DHX35: variants seen among roughly 807,000 people sequenced by gnomAD.
The protein encoded by DHX35 is DEAH-box helicase 35.
Under a neutral mutation model 99.6 loss-of-function variants are expected in DHX35, and 84 were observed. The ratio of observed to expected loss-of-function variants is 0.84; its 90% CI spans 0.71 to 1.01. The LOEUF (loss-of-function observed/expected upper bound fraction) is 1.01, where lower values mean the gene tolerates loss of function less well. Ranked by LOEUF, DHX35 falls within the 50% of genes least tolerant of loss-of-function variation. The pLI is 0.00. For synonymous variants in DHX35, 331 were observed against 316.2 expected (o/e 1.05, Z -0.50); for missense variants, 852 against 888.5 (o/e 0.96, Z 0.52).
At position 39,001,784 on chromosome 20, in the gene DHX35, T is replaced by G. The variant is rs139577021; in HGVS notation, c.697T>G (p.Cys233Gly). 2 of 1,613,920 alleles carry G rather than the reference T, an allele frequency of 1.2e-6. No individual in the cohort carries two copies. Residue 233 changes from cysteine (C) to glycine (G), a missense_variant, in exon 9 of 22, where the codon TGT becomes GGT. By Grantham distance (159) the Cys-to-Gly change is radical. Transcript: ENST00000252011. Reference protein sequence around the residue: ...NETSDPARDTCVILTVEGRTF... With the variant: ...NETSDPARDTGVILTVEGRTF... The stretch of plus-strand genomic sequence containing the variant: ...AACCAGTGATCCAGCAAGGGATACA[T>G]GTGTGATCCTTACAGTGGAAGGGAG...
intron 17 of DHX35, among the ~76,000 whole-genome samples, chr20:39,024,547 C>G (rs1190051665): frequency 2.0e-5 from 3 of 152,226 alleles, no homozygotes; most frequent in Admixed American, 6.5e-5. Flanking sequence ...TTCATTTGTA[C>G]AGGCACAATG....
At chr20:39,010,799 A>AT (rs995523411) in intron 13 of DHX35, among the ~76,000 whole-genome samples, 24 of 152,136 alleles carry the variant, frequency 1.6e-4, no homozygotes, top group African/African-American at 4.8e-4. Flanking sequence ...GAGTACCATG[A>AT]TTGGGGGATC....
chr20:39,030,442 G>A lies in DHX35; in HGVS notation c.1884-262G>A, dbSNP rs140280532. The A allele has an allele frequency of 3.1e-5, 15 of 486,020 alleles. No individual in the cohort carries two copies. In the East Asian group the frequency reaches 5.1e-4, roughly 17 times the overall value. The allele number at this position is 486,020 out of a possible 1,614,324, so 30.1% of individuals were successfully genotyped here. On this transcript the variant is annotated intron_variant, in intron 19 of 21. Transcript: ENST00000252011. ...GAAGATACACATAAACATAGGCAGA[G>A]CATTTTATTCCTAAATGTTTTTTCT...
At position 39,002,788 on chromosome 20, in the gene DHX35, A is replaced by G. The variant is rs764857247; in HGVS notation, c.772A>G (p.Ile258Val). The G allele has an allele frequency of 1.9e-6, 3 of 1,614,132 alleles. No individual in the cohort carries two copies. The highest frequency in any genetic ancestry group is 1.7e-6 in the Non-Finnish European group (2 of 1,180,002). The change falls in exon 10 of 22, where the codon ATC becomes GTC. Residue 258 changes from isoleucine to valine, a missense_variant. Physicochemically the swap from Ile to Val is conservative, Grantham distance 29. Coordinates refer to ENST00000252011, the MANE Select transcript of DHX35 (RefSeq NM_021931.4). ...TCTTTTCAGTCCTGTTCCAGATTAT[A>G]TCAAATCAACTGTCGAAACTGTGGT... The part of the protein sequence containing the change: ...FYLQSPVPDY[I>V]KSTVETVVKI...
intron 1 of DHX35, among the ~76,000 whole-genome samples, chr20:38,964,658 T>C (rs944728571): frequency 3.3e-5 from 5 of 152,186 alleles, no homozygotes. Flanking sequence ...CTCAATCTTT[T>C]GATCCCGTGA....
intron 4 of DHX35, among the ~76,000 whole-genome samples, chr20:38,987,607 A>T (rs1050081203): frequency 7.8e-4 from 119 of 152,224 alleles, no homozygotes; most frequent in African/African-American, 2.8e-3. Context: ...ATTCTTTTAA[A>T]TATTTTCTAT....
In DHX35 at chr20:39,003,927, C is replaced by T; in HGVS notation, c.1011+20C>T. ...AGAAAGGTGAGACTATCCTGATGAC[C>T]AAGGGTGTTGGCAGCCGTCTATAAT... is the stretch of plus-strand genomic sequence containing the variant. On this transcript the variant is annotated intron_variant, in intron 11 of 21. Coordinates refer to ENST00000252011, the MANE Select transcript of DHX35 (RefSeq NM_021931.4). 2 of 1,611,026 alleles carry T rather than the reference C, an allele frequency of 1.2e-6. No individual in the cohort carries two copies. The highest frequency in any genetic ancestry group is 1.1e-5 in the South Asian group (1 of 90,956).
chr20:39,010,421 G>C lies in DHX35; in HGVS notation c.1347+17G>C, dbSNP rs2086684323. On this transcript the variant is annotated intron_variant, in intron 13 of 21. Coordinates refer to ENST00000252011, the MANE Select transcript of DHX35 (RefSeq NM_021931.4). ...TTCATGTCGGTAAGTCCTGCCTGCT[G>C]TCTGGGGCCATAGGGAGGCTAGGGA... 6.2e-6 allele frequency: 10 copies of C among 1,613,442 alleles called. No homozygotes were observed. The highest frequency in any genetic ancestry group is 8.5e-6 in the Non-Finnish European group (10 of 1,179,564).
intron 3 of DHX35, among the ~76,000 whole-genome samples, chr20:38,979,148 A>C (rs2086130612): frequency 6.6e-6 from 1 of 151,610 alleles, no homozygotes; most frequent in Admixed American, 6.6e-5. Flanking sequence ...TTTTTTTCAC[A>C]TAATGTATTG....
intron 8 of DHX35, among the ~76,000 whole-genome samples, chr20:39,001,010 C>T (rs2086511094): frequency 6.6e-6 from 1 of 152,146 alleles, no homozygotes; most frequent in Non-Finnish European, 1.5e-5. Flanking sequence ...CCATCATTGG[C>T]TGGAGCCCTC....
chr20:39,018,435 C>G (rs564995023), intron 14 of DHX35, among the ~76,000 whole-genome samples: 1 of 151,986 alleles, frequency 6.6e-6, no homozygotes, highest in Admixed American at 6.5e-5. Context: ...TGGTGCTACC[C>G]AGTTGTTAGG....
intron 7 of DHX35, among the ~76,000 whole-genome samples, chr20:38,992,960 G>T (rs1268524696): frequency 6.6e-6 from 1 of 152,156 alleles, no homozygotes; most frequent in African/African-American, 2.4e-5. Context: ...ATATCCCAAA[G>T]AAGTGTATAA....
chr20:38,975,380 A>G (rs1168148151), intron 3 of DHX35, among the ~76,000 whole-genome samples: 1 of 152,264 alleles, frequency 6.6e-6, no homozygotes, highest in African/African-American at 2.4e-5. Flanking sequence ...ATTGTCATTT[A>G]GAGAGTAATA....
chr20:39,007,971 ACCACTG>A (rs906017301), intron 12 of DHX35, among the ~76,000 whole-genome samples: 17 of 152,376 alleles, frequency 1.1e-4, no homozygotes, highest in African/African-American at 3.6e-4. Flanking sequence ...ATGTTGTGTG[ACCACTG>A]CCTCCATCTA....
chr20:38,979,114 A>C (rs1039359445), intron 3 of DHX35, among the ~76,000 whole-genome samples: 4 of 151,592 alleles, frequency 2.6e-5, no homozygotes, highest in African/African-American at 9.7e-5. Flanking sequence ...TTTTGAAGTC[A>C]GGTAATGCCT....
Position 38,962,492 on chromosome 20 carries a change from C to T in DHX35, c.40+85C>T, listed in dbSNP as rs532902757. On this transcript the variant is annotated intron_variant, in intron 1 of 21. Transcript: ENST00000252011. The stretch of plus-strand genomic sequence containing the variant: ...CGGCCGGCGCCCTGGGGCCAGCAGA[C>T]CTGCTCGCAGGCCTGACCTCGGCGA... 2.3e-5 allele frequency: 35 copies of T among 1,527,604 alleles called. 1 individual carries two copies. The South Asian group carries it at 3.9e-4, about 17-fold the overall frequency. 94.6% of individuals were successfully genotyped at this position (1,527,604 alleles called of 1,614,324 possible).
chr20:39,003,423 A>G (rs559884941), intron 10 of DHX35, among the ~76,000 whole-genome samples: 52 of 152,328 alleles, frequency 3.4e-4, no homozygotes, highest in African/African-American at 1.2e-3. Flanking sequence ...CAACTTGTCT[A>G]TATGCATGAG....
chr20:39,023,114 C>T (rs1269350358), intron 16 of DHX35, among the ~76,000 whole-genome samples: 1 of 152,176 alleles, frequency 6.6e-6, no homozygotes, highest in Non-Finnish European at 1.5e-5. Context: ...GAGACAAGAA[C>T]ACTAACATTT....
At chr20:39,023,890 T>C in intron 17 of DHX35, 123 bp downstream of exon 17, 1 of 774,256 alleles carries the variant, frequency 1.3e-6, no homozygotes, top group Middle Eastern at 3.1e-4. Flanking sequence ...GATTTTCCTG[T>C]TAGATTTATT....
Sources: allele counts gnomAD v4.1 joint callset (sites outside exome capture counted in the v4.1 genomes callset), GRCh38; gene constraint gnomAD v4.1.1; transcripts MANE v1.5; gene names NCBI Gene and HGNC (gene_info 2026-07-23, HGNC 2026-07-21).